The following NCOA1 variants were observed in gnomAD, a reference collection of about 807,000 sequenced individuals.
NCOA1 encodes the protein nuclear receptor coactivator 1.
NCOA1 carries 35 observed loss-of-function variants against 150.9 expected under a neutral mutation model. The ratio of observed to expected loss-of-function variants is 0.23; its 90% CI spans 0.18 to 0.31. The LOEUF (loss-of-function observed/expected upper bound fraction) is 0.31. Among genes scored for constraint, NCOA1 ranks in the 10% least tolerant of loss-of-function variants. The pLI, the probability that NCOA1 is intolerant of heterozygous loss-of-function variation, is 1.00. For missense variants in NCOA1, 1,491 were observed against 1,749.3 expected (o/e 0.85, Z 2.63); for synonymous variants, 590 against 630.0 (o/e 0.94, Z 0.95).
chr2:24,504,017 G>A (rs1324460668), intron 1 of NCOA1, among the ~76,000 whole-genome samples: 1 of 152,100 alleles, frequency 6.6e-6, no homozygotes, highest in Admixed American at 6.5e-5. Context: ...TTACAGGCGT[G>A]AGCCACTGCG....
At chr2:24,633,534 G>A (rs994016482) in intron 3 of NCOA1, among the ~76,000 whole-genome samples, 9 of 152,250 alleles carry the variant, frequency 5.9e-5, no homozygotes, top group African/African-American at 2.2e-4. Flanking sequence ...TGAGTGCTTG[G>A]CGTAATGGAT....
intron 1 of NCOA1, among the ~76,000 whole-genome samples, chr2:24,507,358 A>C (rs1023887765): frequency 6.6e-6 from 1 of 150,554 alleles, no homozygotes; most frequent in Non-Finnish European, 1.5e-5. Flanking sequence ...TGGTTGTGAG[A>C]ATTTTGTGAG....
At position 24,768,874 on chromosome 2, in the gene NCOA1, A is replaced by G. The variant is rs1665199777; in HGVS notation, c.*483A>G. On this transcript the variant is annotated 3_prime_UTR_variant, in exon 23 of 23. Transcript: ENST00000348332. ...CGAAATCAGCAGCCCTCCCCATCCCAATCCCAGGCAGCTTGTGTGTACAAT... is the reference window on the plus strand; with the variant it reads ...CGAAATCAGCAGCCCTCCCCATCCCGATCCCAGGCAGCTTGTGTGTACAAT... 4.5e-6 allele frequency: 1 copy of G among 223,200 alleles called. No homozygotes were observed. 13.8% of individuals were successfully genotyped at this position (223,200 alleles called of 1,614,324 possible).
At chr2:24,752,277 A>G in intron 20 of NCOA1, 121 bp downstream of exon 20, 1 of 1,153,006 alleles carries the variant, frequency 8.7e-7, no homozygotes, top group Non-Finnish European at 1.2e-6. Context: ...GCCGGACACA[A>G]AAGGCCACAT....
At chr2:24,622,123 A>G (rs1301606661) in intron 3 of NCOA1, among the ~76,000 whole-genome samples, 1 of 152,218 alleles carries the variant, frequency 6.6e-6, no homozygotes, top group Non-Finnish European at 1.5e-5. Context: ...TTTAATGCAC[A>G]CTGACCTCCA....
intron 8 of NCOA1, among the ~76,000 whole-genome samples, chr2:24,683,810 C>CTTTACATCTGAGTGGGGGTGTTTTTCA (rs1443160581): frequency 6.6e-6 from 1 of 152,170 alleles, no homozygotes; most frequent in Non-Finnish European, 1.5e-5. Context: ...GCATTGCTAC[C>CTTTACATCTGAGTGGGGGTGTTTTTCA]TTTACATCTG....
At chr2:24,516,943 C>CGT (rs1262908915) in intron 1 of NCOA1, among the ~76,000 whole-genome samples, 3 of 116,848 alleles carry the variant, frequency 2.6e-5, no homozygotes, top group African/African-American at 1.0e-4. Flanking sequence ...TATATATATA[C>CGT]GTATATATAC....
At chr2:24,558,630 T>C (rs887514504) in intron 1 of NCOA1, among the ~76,000 whole-genome samples, 26 of 152,244 alleles carry the variant, frequency 1.7e-4, no homozygotes, top group African/African-American at 6.0e-4. Context: ...CAAGTTGAGA[T>C]TTGGGTGGGG....
intron 1 of NCOA1, among the ~76,000 whole-genome samples, chr2:24,523,552 G>A (rs1410189541): frequency 1.5e-5 from 2 of 133,738 alleles, no homozygotes; most frequent in African/African-American, 5.5e-5. Flanking sequence ...CTTACAGTGA[G>A]CTGAGATTGC....
chr2:24,707,444 G>C lies in NCOA1; in HGVS notation c.1974G>C (p.Leu658=). ...TAGACACAAGCTGCAAAGATGTCCT[G>C]TCTTGCACAGGCACTTCCAACTCTG... ...ADIDTSCKDV[L]SCTGTSNSAS... Residue 658 remains leucine, a synonymous_variant, in exon 13 of 23, where the codon CTG becomes CTC. Coordinates refer to ENST00000348332, the MANE Select transcript of NCOA1 (RefSeq NM_003743.5). The C allele has an allele frequency of 6.2e-7, 1 of 1,614,222 alleles. No homozygotes were observed. Among genetic ancestry groups the C allele is most frequent in the Middle Eastern group, 1.6e-4 (1 of 6,062 alleles).
intron 3 of NCOA1, among the ~76,000 whole-genome samples, chr2:24,599,249 G>A (rs1196589206): frequency 6.6e-6 from 1 of 152,058 alleles, no homozygotes; most frequent in Non-Finnish European, 1.5e-5. Context: ...GGGCGAAAGT[G>A]GTTTTATCAT....
chr2:24,528,258 C>T (rs1359253633), intron 1 of NCOA1, among the ~76,000 whole-genome samples: 1 of 151,620 alleles, frequency 6.6e-6, no homozygotes, highest in African/African-American at 2.4e-5. Context: ...GAAACTTTCC[C>T]TTGTGTTTTC....
intron 3 of NCOA1, among the ~76,000 whole-genome samples, chr2:24,617,557 T>G (rs1251864545): frequency 6.6e-6 from 1 of 152,180 alleles, no homozygotes; most frequent in Non-Finnish European, 1.5e-5. Context: ...TATATTCCAC[T>G]TCTTTGAAAG....
At chr2:24,668,373 A>G (rs942811369) in intron 6 of NCOA1, among the ~76,000 whole-genome samples, 1 of 152,108 alleles carries the variant, frequency 6.6e-6, no homozygotes, top group Non-Finnish European at 1.5e-5. Flanking sequence ...AACTTATACC[A>G]ATGCACAATT....
intron 1 of NCOA1, among the ~76,000 whole-genome samples, chr2:24,505,873 C>T (rs558077024): frequency 6.6e-6 from 1 of 152,182 alleles, no homozygotes; most frequent in South Asian, 2.1e-4. Context: ...GCCGAGTTAA[C>T]GTAGAGAGTG....
At chr2:24,505,268 C>A (rs1374001962) in intron 1 of NCOA1, among the ~76,000 whole-genome samples, 1 of 151,622 alleles carries the variant, frequency 6.6e-6, no homozygotes, top group African/African-American at 2.4e-5. Context: ...CTCACCGCAA[C>A]CTCCGCCTCC....
In NCOA1 at chr2:24,693,242, T is replaced by G; in HGVS notation, c.713-10T>G. On this transcript the variant is annotated splice_polypyrimidine_tract_variant and intron_variant, in intron 9 of 22. Transcript: ENST00000348332. ...TCTATCCTTCAATTTCCCCGTCTTGTTTTGGGCAGATTTCCAGTCATGTCT... is the reference window on the plus strand; with the variant it reads ...TCTATCCTTCAATTTCCCCGTCTTGGTTTGGGCAGATTTCCAGTCATGTCT... 6.2e-7 allele frequency: 1 copy of G among 1,613,610 alleles called. No individual in the cohort carries two copies. The highest frequency in any genetic ancestry group is 8.5e-7 in the Non-Finnish European group (1 of 1,179,488).
At chr2:24,600,536 C>T (rs905278931) in intron 3 of NCOA1, among the ~76,000 whole-genome samples, 1 of 152,128 alleles carries the variant, frequency 6.6e-6, no homozygotes, top group Admixed American at 6.6e-5. Flanking sequence ...TTTTATTTCC[C>T]ATTCGTTGTT....
chr2:24,731,023 G>A (rs1662984502), intron 17 of NCOA1, among the ~76,000 whole-genome samples: 1 of 144,002 alleles, frequency 6.9e-6, no homozygotes, highest in Non-Finnish European at 1.5e-5. Flanking sequence ...GGGTGACAGA[G>A]CAAGACTCTG....
Sources: gnomAD v4.1 joint callset for allele counts (sites outside exome capture counted in the v4.1 genomes callset) on GRCh38, gnomAD v4.1.1 for gene constraint, MANE v1.5 for transcripts, NCBI Gene and HGNC (gene_info 2026-07-23, HGNC 2026-07-21) for gene names.